The following RSL1D1 variants were observed in gnomAD, a reference collection of about 807,000 sequenced individuals.
The protein encoded by RSL1D1 is ribosomal L1 domain containing 1.
A neutral mutation model predicts 44.6 loss-of-function variants in RSL1D1; 34 were observed. The ratio of observed to expected loss-of-function variants is 0.76; its 90% CI spans 0.58 to 1.02. The LOEUF (loss-of-function observed/expected upper bound fraction) is 1.02, where lower values mean the gene tolerates loss of function less well. Ranked by LOEUF, RSL1D1 falls within the 50% of genes least tolerant of loss-of-function variation. The pLI is 0.00. For synonymous variants in RSL1D1, 271 were observed against 207.4 expected, an observed-to-expected ratio of 1.31 and a Z score of -2.63; for missense variants, 767 against 568.1, an observed-to-expected ratio of 1.35 and a Z score of -3.56.
At chr16:11,840,633 A>G (rs570401820) in intron 7 of RSL1D1, among the ~76,000 whole-genome samples, 31 of 152,350 alleles carry the variant, frequency 2.0e-4, no homozygotes, top group African/African-American at 7.5e-4. Flanking sequence ...CTAGGAGATC[A>G]GTCTAACAAA....
rs1187654295 is a variant in RSL1D1 at position 11,838,035 on chromosome 16, C to G, written c.1225G>C (p.Ala409Pro). ...TTTGGGGTCTCAGATGCTGGCAAAG[C>G]CTTTCTTTTCTTCCCACGAGGTGTG... is the stretch of plus-strand genomic sequence containing the variant. ...PSTPRGKKRK[A>P]LPASETPKAA... The change falls in exon 9 of 9, where the codon GCT (alanine) becomes CCT (proline). Residue 409 changes from alanine (A) to proline (P), a missense_variant. Ala to Pro is a conservative substitution (Grantham distance 27). Transcript: ENST00000571133. 4 of 1,613,694 alleles carry G rather than the reference C, an allele frequency of 2.5e-6. No individual in the cohort carries two copies. Among genetic ancestry groups the G allele is most frequent in the East Asian group, 2.2e-5 (1 of 44,896 alleles).
At position 11,836,531 on chromosome 16, in the gene RSL1D1, A is replaced by C. The variant is rs1243829851; in HGVS notation, c.*1256T>G. The C allele has an allele frequency of 6.6e-6, 1 of 152,238 alleles. No individual in the cohort carries two copies. The highest frequency in any genetic ancestry group is 1.5e-5 in the Non-Finnish European group (1 of 68,048). The allele number at this position is 152,238 out of a possible 1,614,324, so 9.4% of individuals were successfully genotyped here. On this transcript the variant is annotated 3_prime_UTR_variant, in exon 9 of 9. Transcript: ENST00000571133. ...CAGAATATACTTGACAATTGTGGAA[A>C]CGTTAGCAATCTACTCTTCCAAGAT... is the stretch of plus-strand genomic sequence containing the variant.
At chr16:11,847,589 T>C in intron 3 of RSL1D1, 79 bp downstream of exon 3, 6 of 1,157,178 alleles carry the variant, frequency 5.2e-6, no homozygotes, top group Non-Finnish European at 7.5e-6. Context: ...TACTAGGAAA[T>C]ATAGCAATGT....
At chr16:11,838,516 CA>C (rs2053738241) in intron 8 of RSL1D1, among the ~76,000 whole-genome samples, 2 of 151,902 alleles carry the variant, frequency 1.3e-5, no homozygotes, top group African/African-American at 2.4e-5. Flanking sequence ...AGTTAACCCC[CA>C]AAAGGTACAC....
Position 11,836,574 on chromosome 16 carries a change from C to G in RSL1D1, c.*1213G>C, listed in dbSNP as rs187842414. 1.2e-4 allele frequency: 19 copies of G among 152,316 alleles called. No homozygotes were observed. Among genetic ancestry groups the G allele is most frequent in the African/African-American group, 4.6e-4 (19 of 41,582 alleles). The allele number at this position is 152,316 out of a possible 1,614,324, so 9.4% of individuals were successfully genotyped here. On this transcript the variant is annotated 3_prime_UTR_variant, in exon 9 of 9. Transcript: ENST00000571133. The stretch of plus-strand genomic sequence containing the variant: ...TCCAAGATTCCTTGGAGTTGTCATA[C>G]ATAAGCAAATCCATATGGACTGAGG...
chr16:11,849,576 A>G (rs2053822601), intron 2 of RSL1D1, among the ~76,000 whole-genome samples: 1 of 152,220 alleles, frequency 6.6e-6, no homozygotes, highest in Non-Finnish European at 1.5e-5. Context: ...TTTCTTTTCC[A>G]TAGACAGAAA....
rs1463874157 is a variant in RSL1D1, at chr16:11,837,161, A to G, written c.*626T>C. 1.3e-5 allele frequency: 2 copies of G among 151,510 alleles called. No individual in the cohort carries two copies. Among genetic ancestry groups the G allele is most frequent in the Admixed American group, 1.3e-4 (2 of 15,152 alleles). The allele number at this position is 151,510 out of a possible 1,614,324, so 9.4% of individuals were successfully genotyped here. A position where few individuals can be genotyped will look rare whatever the true frequency, so the allele number is the denominator to read the frequency against. On this transcript the variant is annotated 3_prime_UTR_variant, in exon 9 of 9. Coordinates refer to ENST00000571133, the MANE Select transcript of RSL1D1 (RefSeq NM_015659.3). ...ACTAATTTTTTTTTTTCTTTTGTAGAGATGGGGTTTTACCAAGTTGCCCAG... is the reference window on the plus strand; with the variant it reads ...ACTAATTTTTTTTTTTCTTTTGTAGGGATGGGGTTTTACCAAGTTGCCCAG...
intron 5 of RSL1D1, among the ~76,000 whole-genome samples, chr16:11,844,502 G>A (rs374451871): frequency 6.6e-6 from 1 of 152,204 alleles, no homozygotes; most frequent in East Asian, 1.9e-4. Context: ...AGGGGTCTAG[G>A]CTCCGTGACC....
intron 1 of RSL1D1, among the ~76,000 whole-genome samples, chr16:11,850,732 G>C (rs2053831485): frequency 6.6e-6 from 1 of 152,170 alleles, no homozygotes; most frequent in Non-Finnish European, 1.5e-5. Context: ...AATGATGAAA[G>C]CAGTAATCCC....
rs1315094731 is a variant in RSL1D1 at position 11,835,105 on chromosome 16, C to A, written c.*2682G>T. 4 of 152,138 alleles carry A rather than the reference C, an allele frequency of 2.6e-5. No individual in the cohort carries two copies. Among genetic ancestry groups the A allele is most frequent in the Non-Finnish European group, 4.4e-5 (3 of 68,058 alleles). The allele number at this position is 152,138 out of a possible 1,614,324, so 9.4% of individuals were successfully genotyped here. A position where few individuals can be genotyped will look rare whatever the true frequency, so the allele number is the denominator to read the frequency against. On this transcript the variant is annotated 3_prime_UTR_variant, in exon 9 of 9. Transcript: ENST00000571133. The stretch of plus-strand genomic sequence containing the variant: ...CCTGGGGAACAGAGTAAGACCATCT[C>A]CCCCACTGCCCGCTACTCTCGCTAC...
chr16:11,848,781 C>G (rs1393844285), intron 2 of RSL1D1, among the ~76,000 whole-genome samples: 1 of 151,484 alleles, frequency 6.6e-6, no homozygotes, highest in Non-Finnish European at 1.5e-5. Context: ...GTGTGAGCCA[C>G]CACACTCAGC....
rs781117638 is a variant in RSL1D1 at position 11,847,676 on chromosome 16, C to G, written c.376G>C (p.Val126Leu). The change falls in exon 3 of 9, where the codon GTT (valine) becomes CTT (leucine). Residue 126 changes from valine to leucine, a missense_variant. Physicochemically the swap from Val to Leu is conservative, Grantham distance 32 (BLOSUM62 1). Coordinates refer to ENST00000571133, the MANE Select transcript of RSL1D1 (RefSeq NM_015659.3). ...KLLNKHGIKT[V>L]SQIISLQTLK... ...TTAACCAGGCTTCCTACCTGAGAAA[C>G]GGTTTTAATTCCATGCTTGTTTAAA... is the stretch of plus-strand genomic sequence containing the variant. 1 of 1,606,244 alleles carries G rather than the reference C, an allele frequency of 6.2e-7. No individual in the cohort carries two copies. Among genetic ancestry groups the G allele is most frequent in the Non-Finnish European group, 8.5e-7 (1 of 1,177,376 alleles).
chr16:11,839,545 A>C (rs2053748455), intron 8 of RSL1D1, 150 bp downstream of exon 8: 7 of 812,384 alleles, frequency 8.6e-6, no homozygotes, highest in Admixed American at 3.5e-5. Context: ...AAAAAAAAAA[A>C]AGGTACAATA....
At chr16:11,840,954 A>G (rs914566328) in intron 7 of RSL1D1, among the ~76,000 whole-genome samples, 1 of 152,240 alleles carries the variant, frequency 6.6e-6, no homozygotes, top group African/African-American at 2.4e-5. Context: ...AACTGGGTAA[A>G]TAATTATGTC....
chr16:11,839,295 G>C (rs149416647), intron 8 of RSL1D1, among the ~76,000 whole-genome samples: 1,689 of 151,844 alleles, frequency 0.011, 33 homozygotes, highest in African/African-American at 0.038. Flanking sequence ...GAACCAGGGA[G>C]GCGGAGGTTG....
intron 5 of RSL1D1, among the ~76,000 whole-genome samples, chr16:11,846,261 G>A (rs1210222486): frequency 6.6e-6 from 1 of 151,200 alleles, no homozygotes; most frequent in Non-Finnish European, 1.5e-5. Context: ...CGGGCGTGGT[G>A]GCAGGCGCCT....
At position 11,841,823 on chromosome 16, in the gene RSL1D1, G is replaced by A. The variant is rs1283603952; in HGVS notation, c.730-3C>T. On this transcript the variant is annotated splice_region_variant and splice_polypyrimidine_tract_variant and intron_variant, in intron 6 of 8. Coordinates refer to ENST00000571133, the MANE Select transcript of RSL1D1 (RefSeq NM_015659.3). ...AGGAGTTTCACGCTCTCCCACTTCTGAAACAAAGAAAAGAGTAACATCGTC... is the reference window on the plus strand; with the variant it reads ...AGGAGTTTCACGCTCTCCCACTTCTAAAACAAAGAAAAGAGTAACATCGTC... 4.3e-6 allele frequency: 7 copies of A among 1,612,392 alleles called. No individual in the cohort carries two copies. The highest frequency in any genetic ancestry group is 3.4e-5 in the Admixed American group (2 of 59,550).
chr16:11,850,985 C>G lies in RSL1D1; in HGVS notation c.105+423G>C, dbSNP rs951246465. 4 of 241,950 alleles carry G rather than the reference C, an allele frequency of 1.7e-5. No individual in the cohort carries two copies. The South Asian group carries it at 1.7e-4, about 10-fold the overall frequency. The allele number at this position is 241,950 out of a possible 1,614,324, so 15.0% of individuals were successfully genotyped here. ...GATTACAGGCGTGAGCCACCGCGCC[C>G]GGCCTACTGAGCACCTTCTTACCAT... On this transcript the variant is annotated intron_variant, in intron 1 of 8. Coordinates refer to ENST00000571133, the MANE Select transcript of RSL1D1 (RefSeq NM_015659.3).
Position 11,851,446 on chromosome 16 carries a change from C to T in RSL1D1, c.67G>A (p.Ala23Thr). ...AATGTSTSTP[A>T]APTARKQLDK... ...AGCTGCTTCCGTGCTGTCGGGGCCG[C>T]TGGAGTCGAGGTGGAGGTTCCAGTA... Residue 23 changes from alanine to threonine, a missense_variant, in exon 1 of 9, where the codon GCG becomes ACG. Transcript: ENST00000571133. 6.2e-7 allele frequency: 1 copy of T among 1,614,148 alleles called. No individual in the cohort carries two copies. Among genetic ancestry groups the T allele is most frequent in the Non-Finnish European group, 8.5e-7 (1 of 1,179,994 alleles).
Sources: gnomAD v4.1 joint callset for allele counts (sites outside exome capture counted in the v4.1 genomes callset) on GRCh38, gnomAD v4.1.1 for gene constraint, MANE v1.5 for transcripts, NCBI Gene and HGNC (gene_info 2026-07-23, HGNC 2026-07-21) for gene names.